Variants in RASA3 observed in about 807,000 individuals in gnomAD.
RASA3 encodes ras GTPase-activating protein 3.
In RASA3, 73 loss-of-function variants were observed where a neutral mutation model predicts 110.0. The observed-to-expected ratio is 0.66, with a 90% confidence interval of 0.55 to 0.81. The LOEUF is 0.81. RASA3 is among the 30% of genes least tolerant of loss of function. The pLI is 0.00. For missense variants in RASA3, 976 were observed against 1,113.2 expected (o/e 0.88, Z 1.75); for synonymous variants, 500 against 451.4 (o/e 1.11, Z -1.37).
chr13:113,998,424 G>A (rs1050631434), intron 20 of RASA3, among the ~76,000 whole-genome samples: 1 of 152,236 alleles, frequency 6.6e-6, no homozygotes, highest in East Asian at 1.9e-4. Context: ...AGGAACATGC[G>A]TCAACTTTGG....
rs562640221 is a variant in RASA3, at chr13:114,013,319, C to G, written c.1406-71G>C. 8.6e-6 allele frequency: 10 copies of G among 1,164,512 alleles called. No individual in the cohort carries two copies. The East Asian group carries it at 2.2e-4, about 26-fold the overall frequency. The allele number at this position is 1,164,512 out of a possible 1,614,324, so 72.1% of individuals were successfully genotyped here. ...GCCTCGTGGGGACACCATGCCCCGG[C>G]CCCCTGAGGGTCCGCAGGGAAGTCC... On this transcript the variant is annotated intron_variant, in intron 14 of 23. Coordinates refer to ENST00000334062, the MANE Select transcript of RASA3 (RefSeq NM_007368.4).
intron 1 of RASA3, among the ~76,000 whole-genome samples, chr13:114,080,666 GCTGAAACAGGGGTCTCCCCCAGGGGCCA>G (rs11267466): frequency 8.1e-5 from 11 of 135,224 alleles, no homozygotes; most frequent in South Asian, 2.6e-4. Flanking sequence ...CCCGACAACG[GCTGAAACAGGGGTCTCCCCCAGGGGCCA>G]CTGAAACAGG....
chr13:114,026,925 T>C (rs2054035402), intron 7 of RASA3, among the ~76,000 whole-genome samples: 1 of 152,242 alleles, frequency 6.6e-6, no homozygotes, highest in South Asian at 2.1e-4. Context: ...AGAGGATCTC[T>C]GTGTCTGAAT....
intron 18 of RASA3, among the ~76,000 whole-genome samples, chr13:114,001,624 G>A (rs2053404505): frequency 2.0e-5 from 3 of 149,732 alleles, no homozygotes; most frequent in Admixed American, 6.6e-5. Flanking sequence ...GGTCAGGGCG[G>A]GCAGTGGATG....
chr13:114,053,776 C>G (rs1446798964), intron 2 of RASA3, among the ~76,000 whole-genome samples: 1 of 152,228 alleles, frequency 6.6e-6, no homozygotes, highest in Non-Finnish European at 1.5e-5. Context: ...AATGGAAAAT[C>G]AAACTTCATC....
At position 114,116,523 on chromosome 13, in the gene RASA3, G is replaced by A. The variant is rs112448500; in HGVS notation, c.55+15912C>T. Among the ~76,000 whole-genome samples the A allele has an allele frequency of 7.9e-4, 92 of 115,824 alleles. 1 individual carries two copies. Among genetic ancestry groups the A allele is most frequent in the African/African-American group, 2.3e-3 (84 of 35,804 alleles). 76.0% of individuals were successfully genotyped at this position (115,824 alleles called of 152,430 possible). ...GGGAAAACTGCACCTTACGGCACAC[G>A]AACCCTTAGAAGAGGCAAAACACTA... On this transcript the variant is annotated intron_variant, in intron 1 of 23. Coordinates refer to ENST00000334062, the MANE Select transcript of RASA3 (RefSeq NM_007368.4).
At chr13:114,054,531 C>G (rs1439373008) in intron 2 of RASA3, among the ~76,000 whole-genome samples, 1 of 152,090 alleles carries the variant, frequency 6.6e-6, no homozygotes, top group East Asian at 1.9e-4. Flanking sequence ...CTCCCTGCAG[C>G]GGCCTTAATG....
Position 113,988,626 on chromosome 13 carries a change from G to C in RASA3, c.2245+3859C>G, listed in dbSNP as rs1397182241. 8.6e-5 allele frequency among the ~76,000 whole-genome samples: 3 copies of C among 34,830 alleles called. 1 individual carries two copies. The highest frequency in any genetic ancestry group is 2.9e-4 in the Admixed American group (1 of 3,506). The allele number at this position is 34,830 out of a possible 152,430, so 22.8% of individuals were successfully genotyped here. A position where few individuals can be genotyped will look rare whatever the true frequency, so the allele number is the denominator to read the frequency against. ...GTCTATCCACCCATCACTCACCCCA[G>C]TCCATCCTCTCATCACTCACCCTGT... is the stretch of plus-strand genomic sequence containing the variant. On this transcript the variant is annotated intron_variant, in intron 22 of 23. Coordinates refer to ENST00000334062, the MANE Select transcript of RASA3 (RefSeq NM_007368.4).
intron 1 of RASA3, among the ~76,000 whole-genome samples, chr13:114,109,607 C>T (rs1313228818): frequency 7.2e-5 from 11 of 152,122 alleles, no homozygotes; most frequent in African/African-American, 2.7e-4. Context: ...CACAGCTGAG[C>T]TGTTTTCTCT....
intron 1 of RASA3, among the ~76,000 whole-genome samples, chr13:114,074,861 T>C (rs2079641271): frequency 1.3e-5 from 2 of 152,242 alleles, no homozygotes; most frequent in African/African-American, 4.8e-5. Flanking sequence ...GCTCGGAGCA[T>C]GCCCCAGCGG....
In RASA3 at chr13:113,983,778, C is replaced by T. The variant is rs140184317; in HGVS notation, c.2246-1920G>A. Among the ~76,000 whole-genome samples, 566 of 103,784 alleles carry T rather than the reference C, an allele frequency of 5.5e-3. 27 individuals are homozygous for T. Among genetic ancestry groups the T allele is most frequent in the African/African-American group, 0.016 (518 of 32,692 alleles). The allele number at this position is 103,784 out of a possible 152,430, so 68.1% of individuals were successfully genotyped here. A position where few individuals can be genotyped will look rare whatever the true frequency, so the allele number is the denominator to read the frequency against. ...AACAGGATGAAATGAAGGCAGGCTG[C>T]GGTGTCTTAAGCCCTACAAGCCAGG... On this transcript the variant is annotated intron_variant, in intron 22 of 23. Transcript: ENST00000334062.
At chr13:114,076,899 G>A (rs2079694343) in intron 1 of RASA3, among the ~76,000 whole-genome samples, 1 of 152,186 alleles carries the variant, frequency 6.6e-6, no homozygotes, top group Non-Finnish European at 1.5e-5. Context: ...TTTACAGTGT[G>A]ACCTGACGCT....
In RASA3 at chr13:114,011,398, G is replaced by T; in HGVS notation, c.1513-150C>A. 1.4e-6 allele frequency: 1 copy of T among 694,382 alleles called. No homozygotes were observed. 43.0% of individuals were successfully genotyped at this position (694,382 alleles called of 1,614,324 possible). ...GAAACAGGGGTAGCGACGCAGATGGGACTGGAGGGGGTGGGCGTCCCACAG... is the reference window on the plus strand; with the variant it reads ...GAAACAGGGGTAGCGACGCAGATGGTACTGGAGGGGGTGGGCGTCCCACAG... On this transcript the variant is annotated intron_variant, in intron 15 of 23. Transcript: ENST00000334062. The surrounding 1 kb of genome is among the most constrained non-coding windows in gnomAD (Gnocchi z 4.8).
chr13:114,122,377 C>A lies in RASA3; in HGVS notation c.55+10058G>T, dbSNP rs537775166. Among the ~76,000 whole-genome samples, 17 of 152,372 alleles carry A rather than the reference C, an allele frequency of 1.1e-4. No individual in the cohort carries two copies. In the East Asian group the frequency reaches 3.1e-3, roughly 28 times the overall value. The stretch of plus-strand genomic sequence containing the variant: ...TGGCCAGTCCCCTGGGCTCTGCATG[C>A]AGATGGTTTTCCCAGAACCGGTTCC... On this transcript the variant is annotated intron_variant, in intron 1 of 23. Coordinates refer to ENST00000334062, the MANE Select transcript of RASA3 (RefSeq NM_007368.4).
chr13:114,013,687 T>G, intron 14 of RASA3, among the ~76,000 whole-genome samples: 1 of 80,986 alleles, frequency 1.2e-5, no homozygotes, highest in Non-Finnish European at 2.1e-5. Flanking sequence ...TCTCTCTCCC[T>G]ATCTCTGTCT....
chr13:114,007,933 T>A (rs111484375), intron 17 of RASA3, among the ~76,000 whole-genome samples: 1 of 121,346 alleles, frequency 8.2e-6, no homozygotes, highest in Non-Finnish European at 1.8e-5. Context: ...CATCCCTGAC[T>A]GTGGGGAGGA....
At chr13:114,102,411 G>A (rs929108809) in intron 1 of RASA3, among the ~76,000 whole-genome samples, 7 of 152,134 alleles carry the variant, frequency 4.6e-5, no homozygotes, top group Non-Finnish European at 1.0e-4. Context: ...GTGAGAGGGA[G>A]AGGGACAGAG....
intron 22 of RASA3, among the ~76,000 whole-genome samples, chr13:113,989,595 A>T (rs563070065): frequency 1.4e-5 from 2 of 138,726 alleles, no homozygotes; most frequent in South Asian, 2.4e-4. Flanking sequence ...CACTCACCCC[A>T]GTCCATCCTC....
At chr13:114,036,482 ACAT>A (rs761634009) in intron 4 of RASA3, among the ~76,000 whole-genome samples, 2 of 152,212 alleles carry the variant, frequency 1.3e-5, no homozygotes, top group Non-Finnish European at 2.9e-5. Context: ...GGTCACTGTG[ACAT>A]CTTATGATGA....
Sources: allele counts gnomAD v4.1 joint callset (sites outside exome capture counted in the v4.1 genomes callset), GRCh38; gene constraint gnomAD v4.1.1; non-coding constraint Gnocchi (gnomAD v3.1); transcripts MANE v1.5; gene names NCBI Gene and HGNC (gene_info 2026-07-23, HGNC 2026-07-21).